RNF17: variants seen among roughly 807,000 people sequenced by gnomAD.
RNF17 encodes the protein ring finger protein 17.
In RNF17, 31 loss-of-function variants were observed where a neutral mutation model predicts 200.5. The ratio of observed to expected loss-of-function variants is 0.15; its 90% CI spans 0.12 to 0.21. The LOEUF (loss-of-function observed/expected upper bound fraction) is 0.21. Among genes scored for constraint, RNF17 ranks in the 10% least tolerant of loss-of-function variants. The probability of loss-of-function intolerance (pLI) is 1.00; values close to 1 mark genes in which losing one functional copy is unlikely to be tolerated. For synonymous variants in RNF17, 606 were observed against 637.8 expected, an observed-to-expected ratio of 0.95 and a Z score of 0.75; for missense variants, 1,628 against 1,905.1, an observed-to-expected ratio of 0.85 and a Z score of 2.71.
chr13:24,821,035 G>C (rs1391347641), intron 15 of RNF17, among the ~76,000 whole-genome samples: 1 of 152,122 alleles, frequency 6.6e-6, no homozygotes, highest in South Asian at 2.1e-4. Flanking sequence ...CAGAAGAGTT[G>C]ATTTCTTCTG....
intron 32 of RNF17, 34 bp from the exon 33 acceptor site, chr13:24,874,080 C>T (rs1894596317): frequency 1.3e-6 from 2 of 1,599,030 alleles, no homozygotes; most frequent in Admixed American, 1.8e-5. Flanking sequence ...TAATGAAAGA[C>T]AATATGATTT....
At chr13:24,749,307 C>CTTTTTTTTTTTTTTTTTTTTTTTTTTTTT in the RNF17 span, among the ~76,000 whole-genome samples, 1 of 108,020 alleles carries the variant, frequency 9.3e-6, no homozygotes, top group African/African-American at 3.5e-5. Flanking sequence ...TTCTTTCTTT[C>CTTTTTTTTTTTTTTTTTTTTTTTTTTTTT]TTTTTTTTTT....
At chr13:24,884,383 C>CT, downstream of RNF17, 1 of 1,614,078 alleles carries the variant, frequency 6.2e-7, no homozygotes, top group Non-Finnish European at 8.5e-7. Context: ...CAGTGATGGT[C>CT]TTCCCATCTG....
At chr13:24,764,552 T>A (rs1879295892) in intron 1 of RNF17, among the ~76,000 whole-genome samples, 1 of 152,166 alleles carries the variant, frequency 6.6e-6, no homozygotes, top group Non-Finnish European at 1.5e-5. Context: ...TTTCTCCAAT[T>A]ACCCATCCAG....
chr13:24,881,239 T>C (rs542122426), downstream of RNF17, among the ~76,000 whole-genome samples: 2 of 152,124 alleles, frequency 1.3e-5, no homozygotes, highest in Admixed American at 1.3e-4. Context: ...CTCTGCCTCC[T>C]GAGTTCAAGC....
At chr13:24,753,993 A>G in the RNF17 span, among the ~76,000 whole-genome samples, 1 of 151,934 alleles carries the variant, frequency 6.6e-6, no homozygotes, top group African/African-American at 2.4e-5. Flanking sequence ...CCCCGACTCT[A>G]CTAAAAATAC....
downstream of RNF17, chr13:24,884,165 T>C (rs1480454478): frequency 1.2e-6 from 2 of 1,614,024 alleles, no homozygotes; most frequent in African/African-American, 2.7e-5. Flanking sequence ...TTGTACCTAT[T>C]TGTCCACTTG....
In RNF17 at chr13:24,874,271, G is replaced by A. The variant is rs947429635; in HGVS notation, c.4583+22G>A. On this transcript the variant is annotated intron_variant, in intron 33 of 35. Coordinates refer to ENST00000255324, the MANE Select transcript of RNF17 (RefSeq NM_031277.3). ...ACAGGTTAAAAATAAATGTCGGGGTGTTGAATTAGATTTCTTTTTTTTTAA... is the reference window on the plus strand; with the variant it reads ...ACAGGTTAAAAATAAATGTCGGGGTATTGAATTAGATTTCTTTTTTTTTAA... 6 of 1,538,544 alleles carry A rather than the reference G, an allele frequency of 3.9e-6. No individual in the cohort carries two copies. The African/African-American group carries it at 4.3e-5, about 11-fold the overall frequency.
intron 15 of RNF17, among the ~76,000 whole-genome samples, chr13:24,808,375 G>T (rs1183677399): frequency 2.7e-5 from 4 of 150,696 alleles, no homozygotes; most frequent in Admixed American, 1.3e-4. Context: ...TTGTAAGTTG[G>T]ATTCCTAGGT....
chr13:24,863,589 A>G (rs931682749), intron 28 of RNF17, among the ~76,000 whole-genome samples: 2 of 152,180 alleles, frequency 1.3e-5, no homozygotes, highest in African/African-American at 4.8e-5. Flanking sequence ...TCTGTATTAA[A>G]GGATGATGAT....
At chr13:24,776,490 T>A (rs932875911) in intron 3 of RNF17, among the ~76,000 whole-genome samples, 1 of 152,216 alleles carries the variant, frequency 6.6e-6, no homozygotes, top group Non-Finnish European at 1.5e-5. Context: ...AATGTAAACC[T>A]AGGTTTATTG....
At chr13:24,876,357 T>C (rs770065255) in intron 33 of RNF17, among the ~76,000 whole-genome samples, 1 of 152,128 alleles carries the variant, frequency 6.6e-6, no homozygotes, top group South Asian at 2.1e-4. Flanking sequence ...TGCTCCCCGC[T>C]TTTGGGTCTT....
rs748835904 is a variant in RNF17 at position 24,827,105 on chromosome 13, T to TC, written c.2245+1333_2245+1334insC. Reference sequence around the variant, plus strand: ...TCACCACGCCCGGCTAATTTTTTTGTATTTTTAGTAGAGATGGGATTTCGC... The same window carrying TC: ...TCACCACGCCCGGCTAATTTTTTTGTCATTTTTAGTAGAGATGGGATTTCGC... On this transcript the variant is annotated intron_variant, in intron 16 of 35. Transcript: ENST00000255324. Among the ~76,000 whole-genome samples, 193 of 152,014 alleles carry TC rather than the reference T, an allele frequency of 1.3e-3. 2 individuals are homozygous for TC. Among genetic ancestry groups the TC allele is most frequent in the Non-Finnish European group, 1.4e-3 (96 of 67,950 alleles).
chr13:24,826,040 C>T (rs1387654969), intron 16 of RNF17: 4 of 983,832 alleles, frequency 4.1e-6, no homozygotes, highest in East Asian at 1.1e-4. Context: ...ATTCAAAAAC[C>T]GGTGAACTCT....
chr13:24,867,934 A>C (rs1893809854), intron 30 of RNF17, among the ~76,000 whole-genome samples: 2 of 152,220 alleles, frequency 1.3e-5, no homozygotes, highest in South Asian at 4.1e-4. Context: ...AAAAGGAAAA[A>C]GGATCTGTTC....
intron 10 of RNF17, 77 bp downstream of exon 10, chr13:24,793,423 G>T: frequency 7.7e-7 from 1 of 1,299,796 alleles, no homozygotes; most frequent in Non-Finnish European, 1.1e-6. Flanking sequence ...TTTCGTCCAT[G>T]CATTTAACAG....
At chr13:24,760,605 A>C (rs1436083362), upstream of RNF17, among the ~76,000 whole-genome samples, 1 of 152,216 alleles carries the variant, frequency 6.6e-6, no homozygotes, top group Non-Finnish European at 1.5e-5. Flanking sequence ...AGGCAACAAA[A>C]GCAAAAATAG....
downstream of RNF17, chr13:24,883,491 A>T (rs965384434): frequency 1.4e-6 from 1 of 710,820 alleles, no homozygotes; most frequent in African/African-American, 1.8e-5. Flanking sequence ...TCCCTTGGTT[A>T]TCCCTATACA....
chr13:24,772,519 C>G (rs116577034), intron 2 of RNF17, among the ~76,000 whole-genome samples: 2,424 of 127,628 alleles, frequency 0.019, 64 homozygotes, highest in African/African-American at 0.062. Context: ...TTATAGTTTT[C>G]TTGTTAAATT....
Sources: gnomAD v4.1 joint callset for allele counts (sites outside exome capture counted in the v4.1 genomes callset) on GRCh38, gnomAD v4.1.1 for gene constraint, MANE v1.5 for transcripts, NCBI Gene and HGNC (gene_info 2026-07-23, HGNC 2026-07-21) for gene names.